CPXM2: variants seen among roughly 807,000 people sequenced by gnomAD.
CPXM2 encodes the protein carboxypeptidase X, M14 family member 2, also known as inactive carboxypeptidase-like protein X2.
CPXM2 carries 66 observed loss-of-function variants against 86.1 expected under a neutral mutation model. The observed-to-expected ratio is 0.77, with a 90% CI of 0.63 to 0.94. The LOEUF is 0.94. Ranked by LOEUF, CPXM2 falls within the 40% of genes least tolerant of loss-of-function variation. The pLI is 0.00. For synonymous variants in CPXM2, 388 were observed against 400.2 expected (o/e 0.97, Z 0.36); for missense variants, 948 against 1,026.3 (o/e 0.92, Z 1.04).
chr10:123,895,996 G>A (rs961694072), upstream of CPXM2, among the ~76,000 whole-genome samples: 1 of 152,124 alleles, frequency 6.6e-6, no homozygotes, highest in Non-Finnish European at 1.5e-5. Context: ...ATCCATACTT[G>A]TCTGATAATC....
At chr10:123,749,927 T>G (rs1846036899) in intron 13 of CPXM2, among the ~76,000 whole-genome samples, 1 of 150,244 alleles carries the variant, frequency 6.7e-6, no homozygotes, top group Non-Finnish European at 1.5e-5. Flanking sequence ...TGCCTTAGCC[T>G]CCCAAGTAGC....
At chr10:123,841,353 G>A (rs955468550) in intron 4 of CPXM2, among the ~76,000 whole-genome samples, 2 of 152,258 alleles carry the variant, frequency 1.3e-5, no homozygotes, top group South Asian at 4.1e-4. Flanking sequence ...TTGCTTGCTT[G>A]TTGTAAAATA....
chr10:123,930,656 G>A (rs1371084381), intron 2 of CPXM2, among the ~76,000 whole-genome samples: 1 of 152,208 alleles, frequency 6.6e-6, no homozygotes, highest in Non-Finnish European at 1.5e-5. Context: ...AGTGAATCAG[G>A]ATTTGAAATT....
At chr10:123,757,124 G>T in intron 12 of CPXM2, 89 bp downstream of exon 12, 1 of 1,240,488 alleles carries the variant, frequency 8.1e-7, no homozygotes, top group Non-Finnish European at 1.2e-6. Flanking sequence ...AAGGTCTGAA[G>T]CTCTAATTCC....
intron 3 of CPXM2, among the ~76,000 whole-genome samples, chr10:123,849,656 G>A (rs1035301319): frequency 4.6e-5 from 7 of 151,984 alleles, no homozygotes; most frequent in Admixed American, 1.3e-4. Context: ...CAGGTGATCC[G>A]CCTGCTTCAA....
chr10:123,850,296 G>A (rs975802052), intron 3 of CPXM2, among the ~76,000 whole-genome samples: 1 of 152,182 alleles, frequency 6.6e-6, no homozygotes, highest in Admixed American at 6.5e-5. Context: ...TTAGGTCAAT[G>A]TGCATGAGAA....
At chr10:123,806,640 T>C (rs1232455461) in intron 4 of CPXM2, among the ~76,000 whole-genome samples, 2 of 152,126 alleles carry the variant, frequency 1.3e-5, no homozygotes, top group Admixed American at 6.6e-5. Flanking sequence ...AAAGGAAAGA[T>C]GTTTAGTTGG....
At chr10:123,889,950 T>C (rs908560748) in intron 1 of CPXM2, among the ~76,000 whole-genome samples, 3 of 152,202 alleles carry the variant, frequency 2.0e-5, no homozygotes, top group African/African-American at 7.2e-5. Flanking sequence ...GCATGTGGAT[T>C]TGATTCAAAC....
At chr10:123,935,946 A>G (rs1945713669) in intron 2 of CPXM2, among the ~76,000 whole-genome samples, 1 of 150,650 alleles carries the variant, frequency 6.6e-6, no homozygotes, top group African/African-American at 2.5e-5. Context: ...CATCATCACC[A>G]TCATCACCAG....
At chr10:123,921,037 A>T (rs1304854913) in intron 2 of CPXM2, among the ~76,000 whole-genome samples, 1 of 152,230 alleles carries the variant, frequency 6.6e-6, no homozygotes, top group Non-Finnish European at 1.5e-5. Context: ...CAAAAAACAG[A>T]TGAAGACAAT....
intron 1 of CPXM2, among the ~76,000 whole-genome samples, chr10:123,883,316 G>C (rs554854936): frequency 7.7e-4 from 117 of 152,374 alleles, no homozygotes; most frequent in African/African-American, 2.7e-3. Context: ...GAGGCAGCTG[G>C]TGGTTGGAAG....
At chr10:123,849,292 A>C (rs1451001130) in intron 3 of CPXM2, among the ~76,000 whole-genome samples, 1 of 152,042 alleles carries the variant, frequency 6.6e-6, no homozygotes, top group African/African-American at 2.4e-5. Context: ...TAACATACTT[A>C]ATTCTGTATT....
intron 10 of CPXM2, among the ~76,000 whole-genome samples, chr10:123,764,476 ATTTAT>A (rs887175391): frequency 2.6e-5 from 4 of 151,564 alleles, no homozygotes; most frequent in Non-Finnish European, 2.9e-5. Context: ...CTTGCTTTTT[ATTTAT>A]TTTATGTATT....
At chr10:123,842,540 T>C (rs774918768) in intron 3 of CPXM2, 52 bp from the exon 4 acceptor site, 2 of 1,575,936 alleles carry the variant, frequency 1.3e-6, no homozygotes, top group Non-Finnish European at 1.7e-6. Context: ...TTGAAGAAAA[T>C]TAAGACATAT....
At chr10:123,878,369 A>G (rs984159407) in intron 2 of CPXM2, among the ~76,000 whole-genome samples, 1 of 145,944 alleles carries the variant, frequency 6.9e-6, no homozygotes, top group Non-Finnish European at 1.5e-5. Context: ...AGGGCATTCA[A>G]TGAACCAGAG....
chr10:123,909,138 G>A (rs1250107486), intron 2 of CPXM2, among the ~76,000 whole-genome samples: 1 of 152,156 alleles, frequency 6.6e-6, no homozygotes, highest in Non-Finnish European at 1.5e-5. Context: ...CTCAGGCATA[G>A]CGGATCCCAC....
At chr10:123,821,144 A>G (rs1413340238) in intron 4 of CPXM2, among the ~76,000 whole-genome samples, 2 of 152,216 alleles carry the variant, frequency 1.3e-5, no homozygotes, top group East Asian at 1.9e-4. Flanking sequence ...ATTCCATTCA[A>G]CAAATAGAAA....
At chr10:123,862,467 A>G in intron 3 of CPXM2, 147 bp downstream of exon 3, 2 of 727,272 alleles carry the variant, frequency 2.7e-6, no homozygotes, top group Admixed American at 2.5e-5. Context: ...CTCTCTCTGT[A>G]AAATTAGGAT....
intron 2 of CPXM2, among the ~76,000 whole-genome samples, chr10:123,863,305 C>T (rs1041678213): frequency 5.3e-5 from 8 of 152,168 alleles, no homozygotes; most frequent in African/African-American, 1.4e-4. Context: ...TGCTGTTTGC[C>T]CCCACGCCCA....
Sources: allele counts gnomAD v4.1 joint callset (sites outside exome capture counted in the v4.1 genomes callset), GRCh38; gene constraint gnomAD v4.1.1; transcripts MANE v1.5; gene names NCBI Gene and HGNC (gene_info 2026-07-23, HGNC 2026-07-21).